Variants in PARD3B observed in about 807,000 individuals in gnomAD.
The protein encoded by PARD3B is par-3 family cell polarity regulator beta.
A neutral mutation model predicts 130.2 loss-of-function variants in PARD3B; 103 were observed. That is an observed-to-expected ratio of 0.79 (90% CI 0.67 to 0.93). The LOEUF (loss-of-function observed/expected upper bound fraction) is 0.93. PARD3B is among the 40% of genes least tolerant of loss of function. The pLI, the probability that PARD3B is intolerant of heterozygous loss-of-function variation, is 0.00. For missense variants in PARD3B, 1,609 were observed against 1,499.2 expected, an observed-to-expected ratio of 1.07 and a Z score of -1.21; for synonymous variants, 583 against 553.2, an observed-to-expected ratio of 1.05 and a Z score of -0.76.
At chr2:204,809,290 T>A in intron 2 of PARD3B, among the ~76,000 whole-genome samples, 1 of 152,184 alleles carries the variant, frequency 6.6e-6, no homozygotes. Context: ...TTACATCCCA[T>A]GTGTCAATTT....
At chr2:204,911,633 A>G (rs2125725894) in intron 2 of PARD3B, among the ~76,000 whole-genome samples, 1 of 152,338 alleles carries the variant, frequency 6.6e-6, no homozygotes, top group East Asian at 1.9e-4. Flanking sequence ...TGATGTGCTT[A>G]ATGGCGTTTC....
intron 4 of PARD3B, among the ~76,000 whole-genome samples, chr2:205,065,700 GAGAGTGGGT>G (rs879869915): frequency 6.6e-6 from 1 of 152,110 alleles, no homozygotes; most frequent in Non-Finnish European, 1.5e-5. Context: ...TAGTTCCCAA[GAGAGTGGGT>G]AGTTATAAAG....
chr2:205,608,534 T>G (rs2055104310), intron 22 of PARD3B, among the ~76,000 whole-genome samples: 1 of 152,204 alleles, frequency 6.6e-6, no homozygotes, highest in Admixed American at 6.5e-5. Context: ...GCAGGATAGC[T>G]TCTGCCTTCC....
intron 2 of PARD3B, among the ~76,000 whole-genome samples, chr2:204,749,859 C>CT (rs1428841955): frequency 2.0e-5 from 3 of 152,038 alleles, no homozygotes; most frequent in Non-Finnish European, 2.9e-5. Context: ...TCTGATTTTT[C>CT]TTTTTTTAAA....
At chr2:205,586,082 T>C (rs990514367) in intron 22 of PARD3B, among the ~76,000 whole-genome samples, 1 of 152,234 alleles carries the variant, frequency 6.6e-6, no homozygotes, top group Non-Finnish European at 1.5e-5. Context: ...TTATTTGCAA[T>C]ATAAGTAAGT....
At chr2:205,066,670 TAA>T (rs1700396177) in intron 4 of PARD3B, among the ~76,000 whole-genome samples, 1 of 152,196 alleles carries the variant, frequency 6.6e-6, no homozygotes, top group South Asian at 2.1e-4. Flanking sequence ...TAAACTGGTG[TAA>T]CACATTTGGA....
intron 16 of PARD3B, among the ~76,000 whole-genome samples, chr2:205,267,468 A>G (rs1371753334): frequency 1.3e-5 from 2 of 152,184 alleles, no homozygotes; most frequent in Non-Finnish European, 2.9e-5. Flanking sequence ...AGAGATGGGC[A>G]AGATCAGCGG....
chr2:205,616,408 C>A lies in PARD3B; in HGVS notation c.*595C>A, dbSNP rs2055439088. 1.3e-5 allele frequency: 2 copies of A among 152,170 alleles called. No homozygotes were observed. The highest frequency in any genetic ancestry group is 4.8e-5 in the African/African-American group (2 of 41,412). 9.4% of individuals were successfully genotyped at this position (152,170 alleles called of 1,614,324 possible). ...ATATTTTGTACCGAGAGAAAGACTGCATTTATTTGTAGAATTTATCAGGTT... is the reference window on the plus strand; with the variant it reads ...ATATTTTGTACCGAGAGAAAGACTGAATTTATTTGTAGAATTTATCAGGTT... On this transcript the variant is annotated 3_prime_UTR_variant, in exon 23 of 23. Coordinates refer to ENST00000406610, the MANE Select transcript of PARD3B (RefSeq NM_001302769.2).
chr2:204,957,643 A>G (rs1690377150), intron 2 of PARD3B, among the ~76,000 whole-genome samples: 2 of 152,148 alleles, frequency 1.3e-5, no homozygotes, highest in South Asian at 4.1e-4. Context: ...GCTAGCTGTC[A>G]AAATCCTGGG....
rs2029882735 is a variant in PARD3B at position 205,116,994 on chromosome 2, CATT to C, written c.681-1925_681-1923del. On this transcript the variant is annotated intron_variant, in intron 6 of 22. Coordinates refer to ENST00000406610, the MANE Select transcript of PARD3B (RefSeq NM_001302769.2). This position sits in a 1 kb window ranked among gnomAD's most constrained non-coding sequence, Gnocchi z 4.5. ...TGTGAAATTAAATCCTAGGGAGTAA[CATT>C]ACATGACTGATGATGTACTGAATTA... Among the ~76,000 whole-genome samples the C allele has an allele frequency of 6.6e-6, 1 of 152,018 alleles. No individual in the cohort carries two copies. The highest frequency in any genetic ancestry group is 1.5e-5 in the Non-Finnish European group (1 of 68,010).
chr2:204,629,723 T>A (rs1169785093), intron 1 of PARD3B, among the ~76,000 whole-genome samples: 1 of 152,178 alleles, frequency 6.6e-6, no homozygotes, highest in Non-Finnish European at 1.5e-5. Flanking sequence ...ATCTTTATAA[T>A]TTCAGTGCTA....
At chr2:204,968,317 T>C (rs1356464139) in intron 3 of PARD3B, among the ~76,000 whole-genome samples, 1 of 152,214 alleles carries the variant, frequency 6.6e-6, no homozygotes, top group Non-Finnish European at 1.5e-5. Context: ...GTATAATTTT[T>C]ATATTTCTTT....
At chr2:204,955,418 G>A (rs1284050733) in intron 2 of PARD3B, among the ~76,000 whole-genome samples, 1 of 152,216 alleles carries the variant, frequency 6.6e-6, no homozygotes, top group Non-Finnish European at 1.5e-5. Flanking sequence ...GCATAGGAAC[G>A]TATGTGGCAT....
intron 4 of PARD3B, among the ~76,000 whole-genome samples, chr2:205,052,711 T>C (rs1171004278): frequency 6.6e-6 from 1 of 151,986 alleles, no homozygotes; most frequent in Non-Finnish European, 1.5e-5. Context: ...AAGTAGAGAA[T>C]TATCACTTCC....
intron 2 of PARD3B, among the ~76,000 whole-genome samples, chr2:204,867,490 G>C (rs116052593): frequency 6.6e-6 from 1 of 152,096 alleles, no homozygotes; most frequent in East Asian, 1.9e-4. Flanking sequence ...CATCATCCCC[G>C]AGCACCATTA....
At chr2:204,651,455 G>A (rs973024215) in intron 1 of PARD3B, among the ~76,000 whole-genome samples, 1 of 152,236 alleles carries the variant, frequency 6.6e-6, no homozygotes, top group Non-Finnish European at 1.5e-5. Context: ...CACATCCAGG[G>A]CACACTGGTG....
intron 2 of PARD3B, among the ~76,000 whole-genome samples, chr2:204,918,884 T>C (rs1338190694): frequency 6.6e-6 from 1 of 152,006 alleles, no homozygotes. Flanking sequence ...ATTTTTTTTT[T>C]TTCTGGCTCT....
At chr2:205,322,345 C>T (rs2042779936) in intron 18 of PARD3B, among the ~76,000 whole-genome samples, 1 of 152,156 alleles carries the variant, frequency 6.6e-6, no homozygotes, top group East Asian at 1.9e-4. Context: ...TTGGAGTGAC[C>T]ACTCCAGGTC....
chr2:204,918,359 A>G (rs1056145082), intron 2 of PARD3B, among the ~76,000 whole-genome samples: 1 of 152,164 alleles, frequency 6.6e-6, no homozygotes, highest in Non-Finnish European at 1.5e-5. Context: ...GGCCGGGCGC[A>G]GTGGCTCACG....
Sources: allele counts gnomAD v4.1 joint callset (sites outside exome capture counted in the v4.1 genomes callset), GRCh38; gene constraint gnomAD v4.1.1; non-coding constraint Gnocchi (gnomAD v3.1); transcripts MANE v1.5; gene names NCBI Gene and HGNC (gene_info 2026-07-23, HGNC 2026-07-21).